The following NUDT2 variants were observed in gnomAD, a reference collection of about 807,000 sequenced individuals.
NUDT2 encodes bis(5'-nucleosyl)-tetraphosphatase [asymmetrical].
In NUDT2, 12 loss-of-function variants were observed where a neutral mutation model predicts 14.2. That is an observed-to-expected ratio of 0.84 (90% CI 0.54 to 1.37). NUDT2 has a LOEUF of 1.37. Among genes scored for constraint, NUDT2 ranks in the 40% most tolerant of loss-of-function variants. The pLI, the probability that NUDT2 is intolerant of heterozygous loss-of-function variation, is 0.00. For synonymous variants in NUDT2, 67 were observed against 67.4 expected (o/e 0.99, Z 0.03); for missense variants, 167 against 176.7 (o/e 0.95, Z 0.31).
At chr9:34,331,582 A>G (rs1587986749) in intron 1 of NUDT2, among the ~76,000 whole-genome samples, 1 of 152,240 alleles carries the variant, frequency 6.6e-6, no homozygotes, top group East Asian at 1.9e-4. Flanking sequence ...ATTGGAGGGA[A>G]TGTGAGCTGC....
At chr9:34,333,644 CAAAAAAAAAAAA>C (rs34830977) in intron 1 of NUDT2, among the ~76,000 whole-genome samples, 59 of 47,112 alleles carry the variant, frequency 1.3e-3, no homozygotes, top group African/African-American at 4.6e-3. Context: ...GAGACATTGT[CAAAAAAAAAAAA>C]AAAAAAAAAA....
intron 1 of NUDT2, among the ~76,000 whole-genome samples, chr9:34,332,582 C>A (rs2131852534): frequency 6.6e-6 from 1 of 152,324 alleles, no homozygotes; most frequent in East Asian, 1.9e-4. Context: ...GGCTGCTTAA[C>A]AAATCCCCTT....
intron 1 of NUDT2, among the ~76,000 whole-genome samples, chr9:34,333,644 CAAAAAAAAAA>C (rs34830977): frequency 6.4e-5 from 3 of 47,102 alleles, no homozygotes; most frequent in Admixed American, 3.4e-4. Flanking sequence ...GAGACATTGT[CAAAAAAAAAA>C]AAAAAAAAAA....
chr9:34,336,996 C>CTT lies in NUDT2; in HGVS notation c.-152+674_-152+675dup, dbSNP rs145996244. On this transcript the variant is annotated intron_variant, in intron 2 of 4. Transcript: ENST00000379158. ...GTAGTGAACATTGTTATATGTACATCTTTTTTTTTTTTTTTTTTTTGAGAC... is the reference window on the plus strand; with the variant it reads ...GTAGTGAACATTGTTATATGTACATCTTTTTTTTTTTTTTTTTTTTTTGAGAC... Among the ~76,000 whole-genome samples, 1,043 of 109,156 alleles carry CTT rather than the reference C, an allele frequency of 9.6e-3. 41 individuals are homozygous for CTT. Among genetic ancestry groups the CTT allele is most frequent in the South Asian group, 0.025 (79 of 3,134 alleles). The allele number at this position is 109,156 out of a possible 152,430, so 71.6% of individuals were successfully genotyped here.
chr9:34,341,381 C>G (rs1212673737), intron 4 of NUDT2, among the ~76,000 whole-genome samples: 1 of 152,212 alleles, frequency 6.6e-6, no homozygotes, highest in Non-Finnish European at 1.5e-5. Context: ...CTACTAGCAT[C>G]CCTCCCACCT....
At chr9:34,335,735 G>T (rs1046493192) in intron 1 of NUDT2, among the ~76,000 whole-genome samples, 19 of 152,346 alleles carry the variant, frequency 1.2e-4, no homozygotes, top group Non-Finnish European at 2.2e-4. Context: ...GCGCCATTGA[G>T]ATTAACTGTT....
chr9:34,339,834 C>A (rs1425024420), intron 4 of NUDT2, among the ~76,000 whole-genome samples: 1 of 151,942 alleles, frequency 6.6e-6, no homozygotes, highest in Non-Finnish European at 1.5e-5. Flanking sequence ...CAGAGCCTGT[C>A]TCAAAAAAAA....
At chr9:34,336,037 A>G (rs948015144) in intron 1 of NUDT2, among the ~76,000 whole-genome samples, 192 bp from the exon 2 acceptor site, 4 of 151,992 alleles carry the variant, frequency 2.6e-5, no homozygotes, top group African/African-American at 9.7e-5. Flanking sequence ...TAGGGGTTCT[A>G]ACATTGATTC....
At chr9:34,331,332 C>T (rs180869660) in intron 1 of NUDT2, among the ~76,000 whole-genome samples, 1 of 152,252 alleles carries the variant, frequency 6.6e-6, no homozygotes, top group African/African-American at 2.4e-5. Context: ...TAATGTCAGA[C>T]CCTCTATATA....
At chr9:34,330,037 C>T (rs1309711074) in intron 1 of NUDT2, among the ~76,000 whole-genome samples, 1 of 152,220 alleles carries the variant, frequency 6.6e-6, no homozygotes, top group African/African-American at 2.4e-5. Context: ...AATATCGTGG[C>T]AGTTATAGCA....
At position 34,342,310 on chromosome 9, in the gene NUDT2, G is replaced by T. The variant is rs777298553; in HGVS notation, c.128-814G>T. Reference sequence around the variant, plus strand: ...TTCAGCCGTGCAGGGTTTTGAGCCTGTTGGCCCTGGAATGTCAGGGTCCAC... The same window carrying T: ...TTCAGCCGTGCAGGGTTTTGAGCCTTTTGGCCCTGGAATGTCAGGGTCCAC... On this transcript the variant is annotated intron_variant, in intron 4 of 4. Coordinates refer to ENST00000379158, the MANE Select transcript of NUDT2 (RefSeq NM_001161.5). 3.9e-5 allele frequency among the ~76,000 whole-genome samples: 6 copies of T among 152,322 alleles called. No individual in the cohort carries two copies. The Middle Eastern group carries it at 0.01, about 259-fold the overall frequency.
intron 1 of NUDT2, among the ~76,000 whole-genome samples, chr9:34,330,757 C>G (rs1047813530): frequency 2.0e-5 from 3 of 152,018 alleles, no homozygotes; most frequent in South Asian, 2.1e-4. Flanking sequence ...GTCAGGAGAT[C>G]GAGACCATCC....
intron 2 of NUDT2, among the ~76,000 whole-genome samples, chr9:34,338,177 A>AAAG (rs1838141354): frequency 6.8e-6 from 1 of 147,566 alleles, no homozygotes; most frequent in Non-Finnish European, 1.5e-5. Context: ...AAAAAAAAAA[A>AAAG]AAAAAGGATA....
At chr9:34,341,239 C>T (rs866027825) in intron 4 of NUDT2, among the ~76,000 whole-genome samples, 2 of 152,198 alleles carry the variant, frequency 1.3e-5, no homozygotes, top group South Asian at 2.1e-4. Flanking sequence ...TTTCCTGCTT[C>T]GGCAGAAGCT....
chr9:34,340,883 G>A (rs754687041), intron 4 of NUDT2, among the ~76,000 whole-genome samples: 3 of 152,044 alleles, frequency 2.0e-5, no homozygotes, highest in African/African-American at 7.2e-5. Context: ...TTACTATATT[G>A]CCCAGGCTGG....
At chr9:34,329,950 T>G (rs1186232924) in intron 1 of NUDT2, among the ~76,000 whole-genome samples, 1 of 152,238 alleles carries the variant, frequency 6.6e-6, no homozygotes, top group African/African-American at 2.4e-5. Context: ...CAGTTTCACT[T>G]GTTGCTACCC....
At position 34,343,179 on chromosome 9, in the gene NUDT2, G is replaced by A. The variant is rs1554669879; in HGVS notation, c.183G>A (p.Glu61=). 9 of 1,614,104 alleles carry A rather than the reference G, an allele frequency of 5.6e-6. No individual in the cohort carries two copies. The highest frequency in any genetic ancestry group is 7.6e-6 in the Non-Finnish European group (9 of 1,180,026). Residue 61 remains glutamate, a synonymous_variant, in exon 5 of 5, where the codon GAG becomes GAA. Coordinates refer to ENST00000379158, the MANE Select transcript of NUDT2 (RefSeq NM_001161.5). The part of the protein sequence containing the change: ...DLETALRETQ[E]EAGIEAGQLT... The stretch of plus-strand genomic sequence containing the variant: ...AAACAGCCCTGAGGGAGACCCAAGA[G>A]GAAGCAGGCATAGAAGCAGGCCAGC...
At chr9:34,330,261 C>T (rs1222849625) in intron 1 of NUDT2, among the ~76,000 whole-genome samples, 1 of 152,102 alleles carries the variant, frequency 6.6e-6, no homozygotes, top group African/African-American at 2.4e-5. Flanking sequence ...AAAAGTTAGC[C>T]AGGCGTCGTG....
chr9:34,336,030 G>A (rs569872107), intron 1 of NUDT2, among the ~76,000 whole-genome samples, 199 bp from the exon 2 acceptor site: 1 of 151,854 alleles, frequency 6.6e-6, no homozygotes, highest in Admixed American at 6.6e-5. Flanking sequence ...GCTTATTTAG[G>A]GGTTCTAACA....
Sources: allele counts gnomAD v4.1 joint callset (sites outside exome capture counted in the v4.1 genomes callset), GRCh38; gene constraint gnomAD v4.1.1; transcripts MANE v1.5; gene names NCBI Gene and HGNC (gene_info 2026-07-23, HGNC 2026-07-21).